DKK2: variants seen among roughly 807,000 people sequenced by gnomAD.
DKK2 encodes dickkopf-related protein 2.
A neutral mutation model predicts 28.1 loss-of-function variants in DKK2; 11 were observed. The ratio of observed to expected loss-of-function variants is 0.39; its 90% confidence interval spans 0.25 to 0.65. The LOEUF is 0.65. Among genes scored for constraint, DKK2 ranks in the 30% least tolerant of loss-of-function variants. The pLI, the probability that DKK2 is intolerant of heterozygous loss-of-function variation, is 0.47. For synonymous variants in DKK2, 135 were observed against 126.5 expected (o/e 1.07, Z -0.45); for missense variants, 326 against 335.5 (o/e 0.97, Z 0.22).
chr4:106,970,629 CA>C (rs1224124789), intron 1 of DKK2, among the ~76,000 whole-genome samples: 2 of 151,950 alleles, frequency 1.3e-5, no homozygotes, highest in African/African-American at 4.8e-5. Context: ...CAGTTTTGGT[CA>C]AAATTCCATC....
intron 1 of DKK2, among the ~76,000 whole-genome samples, chr4:106,985,087 TAGTCC>T (rs1056273410): frequency 6.6e-6 from 1 of 151,466 alleles, no homozygotes; most frequent in African/African-American, 2.4e-5. Flanking sequence ...CGGGCGCCTG[TAGTCC>T]CAGCTACTAG....
intron 1 of DKK2, among the ~76,000 whole-genome samples, chr4:107,019,841 A>G (rs1390955663): frequency 6.6e-6 from 1 of 152,060 alleles, no homozygotes; most frequent in Non-Finnish European, 1.5e-5. Flanking sequence ...CACTGAGTAT[A>G]CAATTCTTAA....
At chr4:106,927,127 C>G (rs758569127) in intron 1 of DKK2, among the ~76,000 whole-genome samples, 3 of 152,066 alleles carry the variant, frequency 2.0e-5, no homozygotes, top group African/African-American at 7.2e-5. Flanking sequence ...ATAATTTGAA[C>G]ATAAACTATG....
At chr4:107,031,542 T>C (rs1468112028) in intron 1 of DKK2, among the ~76,000 whole-genome samples, 1 of 152,020 alleles carries the variant, frequency 6.6e-6, no homozygotes, top group Non-Finnish European at 1.5e-5. Flanking sequence ...CCTTGAAGTG[T>C]CCCAGTCATA....
At chr4:107,032,857 C>A (rs6827902) in intron 1 of DKK2, among the ~76,000 whole-genome samples, 108,530 of 151,990 alleles carry the variant, frequency 0.71, 39,253 homozygotes, top group Non-Finnish European at 0.77. Context: ...GCTCAGCTAC[C>A]TTTCTATTCT....
chr4:106,956,357 C>T (rs977162678), intron 1 of DKK2, among the ~76,000 whole-genome samples: 16 of 152,132 alleles, frequency 1.1e-4, no homozygotes, highest in African/African-American at 2.4e-5. Flanking sequence ...ATGCCATCCC[C>T]ATCAAGCTAC....
intron 1 of DKK2, among the ~76,000 whole-genome samples, chr4:107,021,750 G>A (rs930656752): frequency 3.3e-5 from 5 of 151,944 alleles, no homozygotes; most frequent in South Asian, 2.1e-4. Context: ...AGTCATTTAC[G>A]AAGGCAAAAA....
chr4:107,024,121 T>C (rs757552075), intron 1 of DKK2, among the ~76,000 whole-genome samples: 1 of 152,172 alleles, frequency 6.6e-6, no homozygotes, highest in Non-Finnish European at 1.5e-5. Flanking sequence ...ACTTTGTCTA[T>C]TCTGAAGCCT....
intron 1 of DKK2, among the ~76,000 whole-genome samples, chr4:106,972,417 A>G (rs2110354675): frequency 6.9e-6 from 1 of 144,478 alleles, no homozygotes; most frequent in South Asian, 2.3e-4. Context: ...TAACAATGAA[A>G]ATCTAAAAAA....
At chr4:106,932,461 T>C (rs1435129273) in intron 1 of DKK2, among the ~76,000 whole-genome samples, 1 of 152,170 alleles carries the variant, frequency 6.6e-6, no homozygotes, top group Admixed American at 6.6e-5. Context: ...TTCTCAACTG[T>C]AGCATGTACA....
chr4:106,954,021 T>C (rs1002129979), intron 1 of DKK2, among the ~76,000 whole-genome samples: 1 of 152,170 alleles, frequency 6.6e-6, no homozygotes, highest in Non-Finnish European at 1.5e-5. Context: ...GTGAGTATAA[T>C]AATAACTACT....
At chr4:106,950,624 G>A (rs569072965) in intron 1 of DKK2, among the ~76,000 whole-genome samples, 3 of 152,120 alleles carry the variant, frequency 2.0e-5, no homozygotes, top group South Asian at 2.1e-4. Context: ...TCATCTTCCC[G>A]CCGTTATTCC....
intron 1 of DKK2, among the ~76,000 whole-genome samples, chr4:106,928,641 C>T (rs1226544555): frequency 6.6e-6 from 1 of 152,062 alleles, no homozygotes; most frequent in East Asian, 1.9e-4. Flanking sequence ...ATGCCTTGCC[C>T]TCTGAAATCC....
chr4:106,935,823 G>T (rs1724577759), intron 1 of DKK2, among the ~76,000 whole-genome samples: 1 of 152,230 alleles, frequency 6.6e-6, no homozygotes, highest in South Asian at 2.1e-4. Context: ...CCCCCGAGCA[G>T]CCTAACTGGG....
At chr4:106,946,299 AT>A (rs1724774024) in intron 1 of DKK2, among the ~76,000 whole-genome samples, 1 of 152,120 alleles carries the variant, frequency 6.6e-6, no homozygotes, top group Admixed American at 6.6e-5. Flanking sequence ...ATTTTTTAAA[AT>A]ATCCTTTCTC....
intron 1 of DKK2, 139 bp downstream of exon 1, chr4:107,035,231 G>A: frequency 9.8e-7 from 1 of 1,016,532 alleles, no homozygotes; most frequent in Non-Finnish European, 1.4e-6. Flanking sequence ...ACCCTGTTCG[G>A]TGAATCCCTC....
intron 1 of DKK2, among the ~76,000 whole-genome samples, chr4:107,006,382 A>C (rs536887733): frequency 2.6e-5 from 4 of 152,268 alleles, no homozygotes; most frequent in African/African-American, 9.6e-5. Context: ...TATAAACCTA[A>C]CTAAACCCCA....
At chr4:107,021,245 A>G (rs953647390) in intron 1 of DKK2, among the ~76,000 whole-genome samples, 1 of 152,020 alleles carries the variant, frequency 6.6e-6, no homozygotes, top group Non-Finnish European at 1.5e-5. Flanking sequence ...CATGGAAACA[A>G]CAAAAAGCCA....
At chr4:106,948,943 T>C (rs1388038604) in intron 1 of DKK2, among the ~76,000 whole-genome samples, 1 of 152,198 alleles carries the variant, frequency 6.6e-6, no homozygotes, top group Non-Finnish European at 1.5e-5. Context: ...GCCACCTTAA[T>C]GTATTGAAGT....
Sources: gnomAD v4.1 joint callset for allele counts (sites outside exome capture counted in the v4.1 genomes callset) on GRCh38, gnomAD v4.1.1 for gene constraint, MANE v1.5 for transcripts, NCBI Gene and HGNC (gene_info 2026-07-23, HGNC 2026-07-21) for gene names.